The following FGGY variants were observed in gnomAD, a reference collection of about 807,000 sequenced individuals.
FGGY encodes FGGY carbohydrate kinase domain-containing protein.
In FGGY, 72 loss-of-function variants were observed where a neutral mutation model predicts 71.3. The observed-to-expected ratio is 1.01, with a 90% CI of 0.84 to 1.23. The LOEUF is 1.23. Ranked by LOEUF, FGGY falls within the 50% of genes most tolerant of loss-of-function variation. The pLI is 0.00. For synonymous variants in FGGY, 251 were observed against 250.3 expected, an observed-to-expected ratio of 1.00 and a Z score of -0.02; for missense variants, 668 against 682.3, an observed-to-expected ratio of 0.98 and a Z score of 0.23.
chr1:59,526,387 T>G (rs2094979836), intron 7 of FGGY, among the ~76,000 whole-genome samples: 1 of 152,200 alleles, frequency 6.6e-6, no homozygotes, highest in South Asian at 2.1e-4. Flanking sequence ...AGCAAATATA[T>G]GTTGAGCACA....
rs377630766 is a variant in FGGY at position 59,401,802 on chromosome 1, G to A, written c.554+22965G>A. Among the ~76,000 whole-genome samples, 29 of 152,292 alleles carry A rather than the reference G, an allele frequency of 1.9e-4. 2 individuals are homozygous for A. The highest frequency in any genetic ancestry group is 6.7e-4 in the African/African-American group (28 of 41,576). ...CATAAGTCATGACTCAATGTGAAAA[G>A]TCTTGTGACTAAGGAATGAACAGTA... On this transcript the variant is annotated intron_variant, in intron 5 of 15. Transcript: ENST00000303721.
chr1:59,673,807 T>C (rs1558759577), intron 13 of FGGY: 2 of 479,892 alleles, frequency 4.2e-6, no homozygotes, highest in South Asian at 2.5e-5. Flanking sequence ...TGAGTTGATA[T>C]ATATGGTGTT....
Position 59,674,150 on chromosome 1 carries a change from G to T in FGGY, c.1512+17G>T, listed in dbSNP as rs377029372. On this transcript the variant is annotated intron_variant, in intron 14 of 15. Coordinates refer to ENST00000303721, the MANE Select transcript of FGGY (RefSeq NM_018291.5). ...TCTGTACAGGTATGTGAAGACCAGG[G>T]GGTGGGCTGTGGCTCCTCCCCTGTC... is the stretch of plus-strand genomic sequence containing the variant. The T allele has an allele frequency of 9.9e-6, 16 of 1,608,284 alleles. No individual in the cohort carries two copies. The highest frequency in any genetic ancestry group is 1.3e-5 in the Non-Finnish European group (15 of 1,175,960).
intron 5 of FGGY, among the ~76,000 whole-genome samples, chr1:59,419,272 T>C (rs948042544): frequency 1.3e-5 from 2 of 151,878 alleles, no homozygotes; most frequent in African/African-American, 4.9e-5. Context: ...GAAAAGAATA[T>C]TGGAGGAAAT....
chr1:59,378,731 A>G lies in FGGY; in HGVS notation c.466-18A>G, dbSNP rs752825926. On this transcript the variant is annotated intron_variant, in intron 4 of 15. Coordinates refer to ENST00000303721, the MANE Select transcript of FGGY (RefSeq NM_018291.5). ...GAAAAACCCCCTAATTGATTCTAAT[A>G]TATATTTAATTTGGCAGAACTTGAG... 2.5e-6 allele frequency: 4 copies of G among 1,607,198 alleles called. No homozygotes were observed. Among genetic ancestry groups the G allele is most frequent in the African/African-American group, 1.3e-5 (1 of 74,648 alleles).
At chr1:59,675,824 CA>C (rs2153982426) in intron 14 of FGGY, among the ~76,000 whole-genome samples, 2 of 152,204 alleles carry the variant, frequency 1.3e-5, no homozygotes, top group South Asian at 4.2e-4. Flanking sequence ...TGTATTCCTG[CA>C]AAATTTGCCC....
At chr1:59,730,081 C>T (rs12123003) in intron 14 of FGGY, among the ~76,000 whole-genome samples, 2,804 of 152,288 alleles carry the variant, frequency 0.018, 45 homozygotes, top group Non-Finnish European at 0.029. Flanking sequence ...CTGTTACCCT[C>T]AGGAGTTGCT....
chr1:59,592,329 T>C (rs2153792894), intron 8 of FGGY, among the ~76,000 whole-genome samples: 1 of 152,206 alleles, frequency 6.6e-6, no homozygotes, highest in East Asian at 1.9e-4. Context: ...ACTTTTACAC[T>C]GTTGGTGGGA....
chr1:59,761,212 T>A (rs984796523), intron 15 of FGGY, among the ~76,000 whole-genome samples: 1 of 152,184 alleles, frequency 6.6e-6, no homozygotes, highest in African/African-American at 2.4e-5. Context: ...ACAGCTAATG[T>A]TAGGCCACAT....
chr1:59,674,937 C>T (rs1332043371), intron 14 of FGGY, among the ~76,000 whole-genome samples: 3 of 152,160 alleles, frequency 2.0e-5, no homozygotes, highest in African/African-American at 7.2e-5. Flanking sequence ...GCTCTTGTGG[C>T]CTAAACAGTC....
intron 14 of FGGY, among the ~76,000 whole-genome samples, chr1:59,727,242 A>T (rs1182663584): frequency 1.3e-5 from 2 of 152,176 alleles, no homozygotes; most frequent in African/African-American, 4.8e-5. Context: ...TTATGGCTGC[A>T]TAGTAATCTG....
chr1:59,361,812 T>C (rs1166348902), intron 4 of FGGY, among the ~76,000 whole-genome samples: 1 of 152,100 alleles, frequency 6.6e-6, no homozygotes, highest in Non-Finnish European at 1.5e-5. Context: ...ACAGAGCAGC[T>C]CTCCTCATTT....
At chr1:59,510,748 A>T (rs1158599261) in intron 6 of FGGY, among the ~76,000 whole-genome samples, 3 of 152,198 alleles carry the variant, frequency 2.0e-5, no homozygotes, top group East Asian at 1.9e-4. Flanking sequence ...GGTATTTTAC[A>T]TTCATTTTTC....
At chr1:59,479,831 C>T (rs627454) in intron 6 of FGGY, among the ~76,000 whole-genome samples, 2,116 of 152,248 alleles carry the variant, frequency 0.014, 62 homozygotes, top group African/African-American at 0.049. Flanking sequence ...GTGATTTTCT[C>T]CAGCAGCACT....
In FGGY at chr1:59,630,103, G is replaced by A. The variant is rs186429522; in HGVS notation, c.1073+4054G>A. On this transcript the variant is annotated intron_variant, in intron 10 of 15. Coordinates refer to ENST00000303721, the MANE Select transcript of FGGY (RefSeq NM_018291.5). ...TCACATGGTGGCAAGAGAGAGAAGT[G>A]CTGAGCAAAAGGAGGAAAAGCCCCT... Among the ~76,000 whole-genome samples, 399 of 152,214 alleles carry A rather than the reference G, an allele frequency of 2.6e-3. 2 individuals are homozygous for A. The highest frequency in any genetic ancestry group is 2.1e-3 in the Non-Finnish European group (140 of 68,008).
chr1:59,485,984 C>T (rs191605902), intron 6 of FGGY, among the ~76,000 whole-genome samples: 62 of 152,312 alleles, frequency 4.1e-4, no homozygotes, highest in African/African-American at 1.5e-3. Flanking sequence ...TAAACTCCAA[C>T]TTTTCCCTAT....
At chr1:59,613,277 C>T (rs1373873476) in intron 9 of FGGY, among the ~76,000 whole-genome samples, 2 of 152,116 alleles carry the variant, frequency 1.3e-5, no homozygotes, top group Non-Finnish European at 2.9e-5. Context: ...ATGTAAAGGA[C>T]AGAAATTATA....
chr1:59,387,771 G>C (rs552988887), intron 5 of FGGY, among the ~76,000 whole-genome samples: 6 of 152,182 alleles, frequency 3.9e-5, no homozygotes, highest in African/African-American at 1.4e-4. Flanking sequence ...TTATTTTGCT[G>C]AACCATTTGT....
intron 7 of FGGY, among the ~76,000 whole-genome samples, chr1:59,530,548 CT>C (rs1207797877): frequency 1.3e-5 from 2 of 152,164 alleles, no homozygotes; most frequent in Non-Finnish European, 2.9e-5. Flanking sequence ...TCTAACCTCA[CT>C]TTACCTGAGC....
Sources: allele counts gnomAD v4.1 joint callset (sites outside exome capture counted in the v4.1 genomes callset), GRCh38; gene constraint gnomAD v4.1.1; transcripts MANE v1.5; gene names NCBI Gene and HGNC (gene_info 2026-07-23, HGNC 2026-07-21).